Variants in TENT5D observed in about 807,000 individuals in gnomAD.
TENT5D encodes terminal nucleotidyltransferase 5D.
For missense variants in TENT5D, 191 were observed against 287.0 expected, an observed-to-expected ratio of 0.67 and a Z score of 2.42; for synonymous variants, 103 against 100.6, an observed-to-expected ratio of 1.02 and a Z score of -0.15.
chrX:80,429,058 T>C (rs1179190693), intron 1 of TENT5D, among the ~76,000 whole-genome samples: 1 of 110,929 alleles, frequency 9.0e-6, no homozygotes, highest in Non-Finnish European at 1.9e-5. Flanking sequence ...GCAGTCTGAG[T>C]TGATGGAGCC....
At chrX:80,337,243 T>C (rs998263129) in intron 2 of TENT5D, among the ~76,000 whole-genome samples, 1 of 111,921 alleles carries the variant, frequency 8.9e-6, no homozygotes, top group Non-Finnish European at 1.9e-5. Flanking sequence ...AAAATATTTA[T>C]AAAATGTGTG....
chrX:80,408,443 A>C (rs1391163963), intron 3 of TENT5D, among the ~76,000 whole-genome samples: 1 of 110,322 alleles, frequency 9.1e-6, no homozygotes, highest in Admixed American at 9.6e-5. Context: ...AGAAATACAA[A>C]CTACCATCAG....
chrX:80,415,549 TGA>T (rs1438071154), upstream of TENT5D, among the ~76,000 whole-genome samples: 6 of 112,153 alleles, frequency 5.3e-5, no homozygotes, highest in East Asian at 1.7e-3. Flanking sequence ...CTGCATCTAT[TGA>T]GATTTTCATG....
chrX:80,367,443 A>G (rs1350533427), intron 3 of TENT5D, among the ~76,000 whole-genome samples: 1 of 111,374 alleles, frequency 9.0e-6, no homozygotes, highest in Non-Finnish European at 1.9e-5. Flanking sequence ...AGGTTCTTCA[A>G]GAAACTAAAA....
intron 3 of TENT5D, among the ~76,000 whole-genome samples, chrX:80,397,892 T>A (rs1025673344): frequency 1.8e-5 from 2 of 111,250 alleles, no homozygotes; most frequent in Non-Finnish European, 3.8e-5. Flanking sequence ...CAGTCCAGCT[T>A]CGGCTCGGCA....
intron 3 of TENT5D, among the ~76,000 whole-genome samples, chrX:80,353,684 G>A (rs1222189526): frequency 8.9e-6 from 1 of 112,164 alleles, no homozygotes; most frequent in Non-Finnish European, 1.9e-5. Context: ...ACCACTGATG[G>A]TCATTGAGTT....
chrX:80,403,897 A>G (rs1931434278), intron 3 of TENT5D, among the ~76,000 whole-genome samples: 1 of 112,131 alleles, frequency 8.9e-6, no homozygotes, highest in Non-Finnish European at 1.9e-5. Flanking sequence ...ACATGTGCCC[A>G]AGGTGGTCAG....
intron 1 of TENT5D, among the ~76,000 whole-genome samples, chrX:80,433,595 C>T (rs1402902986): frequency 9.0e-6 from 1 of 111,603 alleles, no homozygotes; most frequent in African/African-American, 3.3e-5. Flanking sequence ...CTTATGAGCA[C>T]CAAGCTTTTA....
intron 1 of TENT5D, among the ~76,000 whole-genome samples, chrX:80,425,482 T>C (rs1489741505): frequency 1.8e-5 from 2 of 112,423 alleles, no homozygotes; most frequent in African/African-American, 3.2e-5. Context: ...CATTATTAGA[T>C]ACCTGCATTT....
At chrX:80,425,562 G>T (rs1931974136) in intron 1 of TENT5D, among the ~76,000 whole-genome samples, 1 of 111,682 alleles carries the variant, frequency 9.0e-6, no homozygotes, top group Non-Finnish European at 1.9e-5. Context: ...CAAGACAATT[G>T]TCTTAAATGA....
intron 3 of TENT5D, among the ~76,000 whole-genome samples, chrX:80,351,068 C>T (rs62606085): frequency 0.12 from 13,014 of 110,561 alleles, 670 homozygotes; most frequent in South Asian, 0.38. Flanking sequence ...TTCTGGCTGC[C>T]GTTAACATTT....
intron 3 of TENT5D, among the ~76,000 whole-genome samples, chrX:80,385,906 TAA>T (rs1340630546): frequency 8.9e-6 from 1 of 112,007 alleles, no homozygotes; most frequent in Admixed American, 9.5e-5. Context: ...TGGTGATCAT[TAA>T]AAAGTCAGGA....
chrX:80,425,483 A>C (rs1931972080), intron 1 of TENT5D, among the ~76,000 whole-genome samples: 1 of 112,298 alleles, frequency 8.9e-6, no homozygotes, highest in Non-Finnish European at 1.9e-5. Flanking sequence ...ATTATTAGAT[A>C]CCTGCATTTG....
intron 3 of TENT5D, among the ~76,000 whole-genome samples, chrX:80,391,127 C>T (rs1344439135): frequency 9.0e-6 from 1 of 111,128 alleles, no homozygotes; most frequent in Non-Finnish European, 1.9e-5. Context: ...TTTTATATAC[C>T]AGCCATGTAT....
intron 3 of TENT5D, among the ~76,000 whole-genome samples, chrX:80,397,409 G>C (rs1425689762): frequency 6.5e-5 from 7 of 107,507 alleles, no homozygotes; most frequent in Non-Finnish European, 1.4e-4. Flanking sequence ...TCCTAGATGG[G>C]ATGGCGGCCG....
At chrX:80,439,820 TATC>T (rs1402752842) in intron 2 of TENT5D, among the ~76,000 whole-genome samples, 2 of 83,394 alleles carry the variant, frequency 2.4e-5, no homozygotes, top group Non-Finnish European at 5.3e-5. Context: ...CACAAATTTT[TATC>T]ATAATTAACG....
chrX:80,438,867 AT>A (rs1427794938), intron 2 of TENT5D, 135 bp downstream of exon 2: 2 of 111,002 alleles, frequency 1.8e-5, no homozygotes, highest in African/African-American at 3.3e-5. Context: ...GAACAATTAC[AT>A]TTTCTTTATT....
chrX:80,387,635 C>T (rs887545949), intron 3 of TENT5D, among the ~76,000 whole-genome samples: 3 of 111,455 alleles, frequency 2.7e-5, no homozygotes, highest in Admixed American at 9.5e-5. Flanking sequence ...CAGCTGGGGG[C>T]GGAGTGACAC....
chrX:80,400,080 G>T (rs1343371371), intron 3 of TENT5D, among the ~76,000 whole-genome samples: 1 of 111,303 alleles, frequency 9.0e-6, no homozygotes, highest in Non-Finnish European at 1.9e-5. Flanking sequence ...CTCAGTCCAA[G>T]TCTGAAGGCT....
Sources: allele counts gnomAD v4.1 joint callset (sites outside exome capture counted in the v4.1 genomes callset), GRCh38; gene constraint gnomAD v4.1.1; transcripts MANE v1.5; gene names NCBI Gene and HGNC (gene_info 2026-07-23, HGNC 2026-07-21).